Variants in FSTL5 observed in about 807,000 individuals in gnomAD.
The protein encoded by FSTL5 is follistatin-related protein 5.
A neutral mutation model predicts 89.1 loss-of-function variants in FSTL5; 62 were observed. The observed-to-expected ratio is 0.70, with a 90% CI of 0.57 to 0.86. The LOEUF (loss-of-function observed/expected upper bound fraction) is 0.86. Ranked by LOEUF, FSTL5 falls within the 40% of genes least tolerant of loss-of-function variation. The pLI is 0.00. For missense variants in FSTL5, 1,057 were observed against 1,001.6 expected, an observed-to-expected ratio of 1.06 and a Z score of -0.75; for synonymous variants, 383 against 346.2, an observed-to-expected ratio of 1.11 and a Z score of -1.18.
chr4:161,569,771 A>T (rs1053777885), intron 8 of FSTL5, among the ~76,000 whole-genome samples: 3 of 145,568 alleles, frequency 2.1e-5, no homozygotes, highest in Non-Finnish European at 4.5e-5. Context: ...ACACACACAC[A>T]CACACACACA....
intron 6 of FSTL5, among the ~76,000 whole-genome samples, chr4:161,700,973 T>A (rs1560797758): frequency 6.6e-6 from 1 of 152,204 alleles, no homozygotes; most frequent in African/African-American, 2.4e-5. Context: ...CAAAAAATGA[T>A]GCTAAAATTC....
chr4:161,655,925 T>C (rs564573224), intron 7 of FSTL5, among the ~76,000 whole-genome samples: 2 of 152,302 alleles, frequency 1.3e-5, no homozygotes, highest in East Asian at 3.9e-4. Context: ...GATGGCATTT[T>C]AATTTTTCCT....
intron 8 of FSTL5, among the ~76,000 whole-genome samples, chr4:161,549,214 G>A (rs981389921): frequency 5.9e-5 from 9 of 151,770 alleles, no homozygotes; most frequent in African/African-American, 1.4e-4. Flanking sequence ...GTGCTGTGAT[G>A]TTGAGTTCAT....
In FSTL5 at chr4:161,429,157, TG is replaced by T. The variant is rs1253917986; in HGVS notation, c.1841+25846del. On this transcript the variant is annotated intron_variant, in intron 15 of 15. Transcript: ENST00000306100. ...GAGGGAAGACTGGGAAGGGCTTTTTTGTGTGTGTGTGTGGCTTGGATGGCAG... is the reference window on the plus strand; with the variant it reads ...GAGGGAAGACTGGGAAGGGCTTTTTTTGTGTGTGTGTGGCTTGGATGGCAG... 2.0e-5 allele frequency among the ~76,000 whole-genome samples: 3 copies of T among 151,626 alleles called. No individual in the cohort carries two copies. The East Asian group carries it at 5.9e-4, about 30-fold the overall frequency.
At chr4:161,874,183 C>A (rs906210209) in intron 4 of FSTL5, among the ~76,000 whole-genome samples, 5 of 151,982 alleles carry the variant, frequency 3.3e-5, no homozygotes, top group African/African-American at 1.2e-4. Context: ...TATCATTAAT[C>A]TATATCGTCT....
intron 4 of FSTL5, among the ~76,000 whole-genome samples, chr4:161,858,336 C>T (rs75225646): frequency 0.047 from 7,116 of 152,150 alleles, 211 homozygotes; most frequent in Non-Finnish European, 0.07. Context: ...GTTATAGCAG[C>T]CTGAATAGAT....
At chr4:162,036,769 C>T (rs944373264) in intron 2 of FSTL5, among the ~76,000 whole-genome samples, 5 of 151,826 alleles carry the variant, frequency 3.3e-5, no homozygotes, top group Non-Finnish European at 5.9e-5. Flanking sequence ...AGGTGAAGTA[C>T]AATTATGTCT....
Position 161,590,696 on chromosome 4 carries a change from T to C in FSTL5, c.895-3121A>G, listed in dbSNP as rs2126610725. On this transcript the variant is annotated intron_variant, in intron 7 of 15. Coordinates refer to ENST00000306100, the MANE Select transcript of FSTL5 (RefSeq NM_020116.5). ...TATGCAAATAAAAACCTCAGTGAGATACTACTTCATATGCTCTACATTGGT... is the reference window on the plus strand; with the variant it reads ...TATGCAAATAAAAACCTCAGTGAGACACTACTTCATATGCTCTACATTGGT... 1.3e-5 allele frequency among the ~76,000 whole-genome samples: 2 copies of C among 152,362 alleles called. 1 individual carries two copies. The highest frequency in any genetic ancestry group is 6.8e-3 in the Middle Eastern group (2 of 294).
intron 2 of FSTL5, among the ~76,000 whole-genome samples, chr4:162,089,028 A>G (rs559806736): frequency 4.8e-4 from 73 of 152,208 alleles, no homozygotes; most frequent in Non-Finnish European, 9.0e-4. Context: ...GAATAGATCA[A>G]TGTTATCACA....
At chr4:161,541,651 T>C (rs971245519) in intron 9 of FSTL5, among the ~76,000 whole-genome samples, 3 of 152,028 alleles carry the variant, frequency 2.0e-5, no homozygotes, top group Non-Finnish European at 4.4e-5. Context: ...ATAATGATTA[T>C]ATATATCCAC....
At chr4:161,675,833 G>A (rs1413232351) in intron 6 of FSTL5, among the ~76,000 whole-genome samples, 1 of 151,772 alleles carries the variant, frequency 6.6e-6, no homozygotes, top group African/African-American at 2.4e-5. Context: ...TATCTTATAT[G>A]GATAATAAAA....
At chr4:162,004,478 C>T (rs956788612) in intron 3 of FSTL5, among the ~76,000 whole-genome samples, 1 of 152,054 alleles carries the variant, frequency 6.6e-6, no homozygotes, top group African/African-American at 2.4e-5. Flanking sequence ...CAGTCACATG[C>T]GTCTTCTTTT....
intron 15 of FSTL5, among the ~76,000 whole-genome samples, chr4:161,452,421 A>T (rs1321171756): frequency 6.6e-6 from 1 of 152,004 alleles, no homozygotes; most frequent in East Asian, 1.9e-4. Context: ...GGTTGCTGTG[A>T]GCTGAGATCG....
chr4:161,397,662 T>A (rs1186697083), intron 15 of FSTL5, among the ~76,000 whole-genome samples: 1 of 151,420 alleles, frequency 6.6e-6, no homozygotes, highest in Admixed American at 6.6e-5. Context: ...AGAAGAGACT[T>A]TTTAAAGCAA....
At chr4:162,078,651 G>A (rs2111327853) in intron 2 of FSTL5, among the ~76,000 whole-genome samples, 1 of 151,856 alleles carries the variant, frequency 6.6e-6, no homozygotes, top group South Asian at 2.1e-4. Context: ...GTATCCAAAG[G>A]AGGAATGCTC....
intron 4 of FSTL5, among the ~76,000 whole-genome samples, chr4:161,792,414 G>A (rs1729508784): frequency 6.6e-6 from 1 of 152,118 alleles, no homozygotes; most frequent in Non-Finnish European, 1.5e-5. Flanking sequence ...CTTCTGGGTG[G>A]AAAGAAGCTG....
chr4:162,000,393 C>G (rs1347595921), intron 3 of FSTL5, among the ~76,000 whole-genome samples: 13 of 151,928 alleles, frequency 8.6e-5, no homozygotes, highest in Admixed American at 5.2e-4. Flanking sequence ...GAGTTTGAGA[C>G]CAGTCTGGCC....
At position 161,739,813 on chromosome 4, in the gene FSTL5, C is replaced by T. The variant is rs1480475993; in HGVS notation, c.727+19598G>A. ...AAACATGAGTAGCCAGATGAATACA[C>T]TTGTTTTTAAAACTGGGCATAATTG... On this transcript the variant is annotated intron_variant, in intron 6 of 15. Transcript: ENST00000306100. Among the ~76,000 whole-genome samples, 3 of 151,076 alleles carry T rather than the reference C, an allele frequency of 2.0e-5. No individual in the cohort carries two copies. The East Asian group carries it at 5.9e-4, about 30-fold the overall frequency.
chr4:161,505,886 A>G (rs1000599072), intron 11 of FSTL5, among the ~76,000 whole-genome samples: 1 of 152,310 alleles, frequency 6.6e-6, no homozygotes. Flanking sequence ...TGAACTGGCC[A>G]GTAGAAATAA....
Sources: gnomAD v4.1 joint callset for allele counts (sites outside exome capture counted in the v4.1 genomes callset) on GRCh38, gnomAD v4.1.1 for gene constraint, MANE v1.5 for transcripts, NCBI Gene and HGNC (gene_info 2026-07-23, HGNC 2026-07-21) for gene names.